Variants in GALNT13 observed in about 807,000 individuals in gnomAD.
The protein encoded by GALNT13 is UDP-GalNAc:polypeptide N-acetylgalactosaminyltransferase 13.
A neutral mutation model predicts 64.2 loss-of-function variants in GALNT13; 28 were observed. The observed-to-expected ratio is 0.44, with a 90% CI of 0.32 to 0.60. The LOEUF is 0.60. GALNT13 is among the 20% of genes least tolerant of loss of function. The pLI, the probability that GALNT13 is intolerant of heterozygous loss-of-function variation, is 0.05. For missense variants in GALNT13, 577 were observed against 669.8 expected (o/e 0.86, Z 1.53); for synonymous variants, 214 against 224.6 (o/e 0.95, Z 0.42).
At chr2:154,078,775 G>T (rs1446491044) in intron 3 of GALNT13, among the ~76,000 whole-genome samples, 1 of 151,528 alleles carries the variant, frequency 6.6e-6, no homozygotes, top group Non-Finnish European at 1.5e-5. Context: ...TATTCACACA[G>T]AAAGGTGGTA....
the GALNT13 span, among the ~76,000 whole-genome samples, chr2:153,855,920 G>A: frequency 1.3e-5 from 2 of 152,150 alleles, no homozygotes; most frequent in African/African-American, 4.8e-5. Flanking sequence ...CTGATGCATA[G>A]CACAATGTGG....
At chr2:153,980,962 T>C (rs1325981740) in intron 3 of GALNT13, among the ~76,000 whole-genome samples, 1 of 152,156 alleles carries the variant, frequency 6.6e-6, no homozygotes, top group Non-Finnish European at 1.5e-5. Flanking sequence ...TTTATGTAAG[T>C]TGCAATCTCA....
the GALNT13 span, among the ~76,000 whole-genome samples, chr2:153,469,165 T>C: frequency 1.3e-5 from 2 of 152,110 alleles, no homozygotes; most frequent in African/African-American, 2.4e-5. Context: ...CTCTTTTATA[T>C]GTGTACAAGT....
chr2:153,195,294 A>G, the GALNT13 span, among the ~76,000 whole-genome samples: 1 of 151,898 alleles, frequency 6.6e-6, no homozygotes, highest in Admixed American at 6.5e-5. Flanking sequence ...TGTTCTGCCC[A>G]CTCAACCTGG....
At chr2:153,255,996 G>C in the GALNT13 span, among the ~76,000 whole-genome samples, 1 of 152,110 alleles carries the variant, frequency 6.6e-6, no homozygotes, top group Non-Finnish European at 1.5e-5. Flanking sequence ...TGTATTTCCT[G>C]AATCTGAATG....
intron 7 of GALNT13, among the ~76,000 whole-genome samples, chr2:154,252,979 C>A (rs1690168978): frequency 6.6e-6 from 1 of 152,030 alleles, no homozygotes; most frequent in Non-Finnish European, 1.5e-5. Flanking sequence ...ATTAATTGGA[C>A]CCAGAAAACA....
At chr2:153,905,574 C>T (rs1307092625) in intron 2 of GALNT13, among the ~76,000 whole-genome samples, 2 of 151,940 alleles carry the variant, frequency 1.3e-5, no homozygotes, top group Non-Finnish European at 2.9e-5. Flanking sequence ...TGAGATAATA[C>T]AATGCCTACA....
At chr2:153,267,289 A>T in the GALNT13 span, among the ~76,000 whole-genome samples, 1 of 151,896 alleles carries the variant, frequency 6.6e-6, no homozygotes, top group Non-Finnish European at 1.5e-5. Context: ...AAGAGCAGGG[A>T]CTCTGTGTGG....
intron 3 of GALNT13, among the ~76,000 whole-genome samples, chr2:154,031,509 A>T (rs1255739842): frequency 1.3e-5 from 2 of 151,996 alleles, no homozygotes; most frequent in East Asian, 3.8e-4. Context: ...TACTGTGTAC[A>T]AGAAACCCAC....
the GALNT13 span, among the ~76,000 whole-genome samples, chr2:153,693,466 T>C: frequency 6.6e-6 from 1 of 152,162 alleles, no homozygotes; most frequent in Non-Finnish European, 1.5e-5. Context: ...AAGCGGGATC[T>C]ATAGGTTGTA....
At chr2:154,431,295 T>A (rs1700698733) in intron 11 of GALNT13, among the ~76,000 whole-genome samples, 1 of 152,244 alleles carries the variant, frequency 6.6e-6, no homozygotes. Flanking sequence ...TAACGTGTAC[T>A]GCTGGAACAA....
the GALNT13 span, among the ~76,000 whole-genome samples, chr2:153,509,413 G>A: frequency 2.6e-4 from 40 of 152,370 alleles, no homozygotes; most frequent in African/African-American, 8.7e-4. Context: ...CGCAGCGGCT[G>A]CTTCAGACGG....
the GALNT13 span, among the ~76,000 whole-genome samples, chr2:153,661,600 A>C: frequency 1.3e-5 from 2 of 152,134 alleles, no homozygotes; most frequent in African/African-American, 4.8e-5. Flanking sequence ...ATTCTATGTT[A>C]TTTTCCATGA....
chr2:154,394,588 A>G (rs981907206), intron 9 of GALNT13, among the ~76,000 whole-genome samples: 2 of 152,226 alleles, frequency 1.3e-5, no homozygotes, highest in Non-Finnish European at 2.9e-5. Flanking sequence ...ATTTTGAGGA[A>G]AATGTATTCA....
chr2:153,869,528 C>A (rs184042376), upstream of GALNT13, among the ~76,000 whole-genome samples: 616 of 152,176 alleles, frequency 4.0e-3, 4 homozygotes, highest in Non-Finnish European at 5.6e-3. Flanking sequence ...CTCGTGATTG[C>A]ATTCAATTAT....
the GALNT13 span, among the ~76,000 whole-genome samples, chr2:153,307,680 T>C: frequency 6.6e-6 from 1 of 152,046 alleles, no homozygotes; most frequent in African/African-American, 2.4e-5. Flanking sequence ...AGATGGAAAA[T>C]GACAAAAGTA....
chr2:153,910,657 A>G lies in GALNT13; in HGVS notation c.-105+9650A>G, dbSNP rs1028119540. Reference sequence around the variant, plus strand: ...GTAGCTTTGTTCTTATTAGTTTCAAAGACCTTCTTGATTTCTGTCTTAATT... The same window carrying G: ...GTAGCTTTGTTCTTATTAGTTTCAAGGACCTTCTTGATTTCTGTCTTAATT... On this transcript the variant is annotated intron_variant, in intron 2 of 12. Transcript: ENST00000392825. Among the ~76,000 whole-genome samples, 3 of 152,178 alleles carry G rather than the reference A, an allele frequency of 2.0e-5. No individual in the cohort carries two copies. In the East Asian group the frequency reaches 5.8e-4, roughly 29 times the overall value.
At chr2:153,933,105 G>C (rs1690648829) in intron 2 of GALNT13, among the ~76,000 whole-genome samples, 1 of 152,082 alleles carries the variant, frequency 6.6e-6, no homozygotes, top group Non-Finnish European at 1.5e-5. Context: ...GTTTTTAAGG[G>C]ATGAAGAGTT....
At chr2:154,382,278 T>C (rs1441740413) in intron 9 of GALNT13, among the ~76,000 whole-genome samples, 1 of 152,066 alleles carries the variant, frequency 6.6e-6, no homozygotes, top group Non-Finnish European at 1.5e-5. Context: ...ATTCTCTATG[T>C]AACAGAGAAC....
Sources: allele counts gnomAD v4.1 joint callset (sites outside exome capture counted in the v4.1 genomes callset), GRCh38; gene constraint gnomAD v4.1.1; transcripts MANE v1.5; gene names NCBI Gene and HGNC (gene_info 2026-07-23, HGNC 2026-07-21).